The following ARHGEF9 variants were observed in gnomAD, a reference collection of about 807,000 sequenced individuals.
ARHGEF9 encodes the protein rho guanine nucleotide exchange factor 9.
Under a neutral mutation model 41.3 loss-of-function variants are expected in ARHGEF9, and 2 were observed. That is an observed-to-expected ratio of 0.05 (90% CI 0.02 to 0.15). ARHGEF9 has a LOEUF of 0.15. Ranked by LOEUF, ARHGEF9 falls within the 10% of genes least tolerant of loss-of-function variation. The probability of loss-of-function intolerance (pLI) is 1.00; values close to 1 mark genes in which losing one functional copy is unlikely to be tolerated. For synonymous variants in ARHGEF9, 160 were observed against 154.4 expected, an observed-to-expected ratio of 1.04 and a Z score of -0.27; for missense variants, 225 against 424.7, an observed-to-expected ratio of 0.53 and a Z score of 4.13.
chrX:63,781,059 G>C (rs2056372133), intron 1 of ARHGEF9, among the ~76,000 whole-genome samples: 1 of 112,154 alleles, frequency 8.9e-6, no homozygotes, highest in Admixed American at 9.5e-5. Flanking sequence ...ATCTAAAACA[G>C]TGAAACAATG....
intron 5 of ARHGEF9, among the ~76,000 whole-genome samples, chrX:63,677,878 A>T (rs782145913): frequency 2.7e-5 from 3 of 112,080 alleles, no homozygotes; most frequent in African/African-American, 9.7e-5. Context: ...AACTTTTAAG[A>T]TGAATTATGC....
At chrX:63,745,296 A>T (rs782425630) in intron 1 of ARHGEF9, among the ~76,000 whole-genome samples, 3 of 111,232 alleles carry the variant, frequency 2.7e-5, no homozygotes, top group African/African-American at 9.8e-5. Context: ...ATGGCCACTC[A>T]CAGGGCTGCA....
intron 8 of ARHGEF9, among the ~76,000 whole-genome samples, chrX:63,647,468 T>C (rs1556317849): frequency 8.9e-6 from 1 of 112,003 alleles, no homozygotes; most frequent in Non-Finnish European, 1.9e-5. Context: ...CAAAGGCCTT[T>C]TCTGCATCTA....
At chrX:63,759,429 C>A (rs1349261502) in intron 1 of ARHGEF9, among the ~76,000 whole-genome samples, 1 of 111,346 alleles carries the variant, frequency 9.0e-6, no homozygotes, top group African/African-American at 3.3e-5. Context: ...ATTGGTTATC[C>A]GGTCTCAGCT....
intron 1 of ARHGEF9, among the ~76,000 whole-genome samples, chrX:63,744,252 C>T (rs1556430590): frequency 1.8e-5 from 2 of 112,553 alleles, no homozygotes; most frequent in African/African-American, 3.2e-5. Flanking sequence ...ACTTTGCTTT[C>T]CATCACACCA....
intron 7 of ARHGEF9, chrX:63,657,896 C>T (rs1403111311): frequency 8.9e-6 from 1 of 112,020 alleles, no homozygotes; most frequent in Non-Finnish European, 1.9e-5. Flanking sequence ...TAATATAATA[C>T]ATACAAACCT....
chrX:63,743,082 A>T (rs2055054606), intron 1 of ARHGEF9, among the ~76,000 whole-genome samples: 1 of 111,944 alleles, frequency 8.9e-6, no homozygotes, highest in African/African-American at 3.3e-5. Context: ...CTAGAAATAC[A>T]AAAATTAGCT....
intron 7 of ARHGEF9, among the ~76,000 whole-genome samples, chrX:63,664,012 GA>G (rs2049372392): frequency 1.8e-5 from 2 of 111,939 alleles, no homozygotes. Context: ...TGGTTCTTGT[GA>G]AAACAAGAAA....
chrX:63,635,278 T>C lies in ARHGEF9; in HGVS notation c.*2750A>G, dbSNP rs2047259550. 8.7e-6 allele frequency: 4 copies of C among 458,806 alleles called. No individual in the cohort carries two copies. The highest frequency in any genetic ancestry group is 1.6e-5 in the Non-Finnish European group (4 of 248,693). The allele number at this position is 458,806 out of a possible 1,213,427, so 37.8% of individuals were successfully genotyped here. On this transcript the variant is annotated 3_prime_UTR_variant, in exon 10 of 10. Transcript: ENST00000671741. ...TATAGATCCATTAGAAATATACACATAGAGAGGGGGGGAAAAAGAGAGAAT... is the reference window on the plus strand; with the variant it reads ...TATAGATCCATTAGAAATATACACACAGAGAGGGGGGGAAAAAGAGAGAAT...
chrX:63,700,059 G>T (rs1390233031), intron 3 of ARHGEF9, among the ~76,000 whole-genome samples: 8 of 111,806 alleles, frequency 7.2e-5, no homozygotes, highest in African/African-American at 2.3e-4. Context: ...GTAAAGAAAA[G>T]AAAATGCAGC....
intron 4 of ARHGEF9, 68 bp downstream of exon 4, chrX:63,697,057 G>A: frequency 9.0e-7 from 1 of 1,113,600 alleles, no homozygotes; most frequent in Non-Finnish European, 1.2e-6. Flanking sequence ...GAACCAGACA[G>A]CTCAAACGCT....
chrX:63,693,285 AGAT>A (rs1157825370), intron 4 of ARHGEF9, among the ~76,000 whole-genome samples: 1 of 112,004 alleles, frequency 8.9e-6, no homozygotes, highest in Non-Finnish European at 1.9e-5. Context: ...TAAATGTTTG[AGAT>A]GATGGCTATC....
intron 1 of ARHGEF9, among the ~76,000 whole-genome samples, chrX:63,750,091 G>A (rs1278951654): frequency 1.8e-5 from 2 of 112,290 alleles, no homozygotes; most frequent in African/African-American, 3.2e-5. Context: ...AGATCCAGAT[G>A]CCTTGTAGGA....
chrX:63,784,912 A>G (rs1482251129), intron 1 of ARHGEF9, among the ~76,000 whole-genome samples: 1 of 110,385 alleles, frequency 9.1e-6, no homozygotes, highest in Non-Finnish European at 1.9e-5. Flanking sequence ...GTGGAGGGGG[A>G]TGGTAGGGGG....
chrX:63,743,690 C>A (rs1556429622), intron 1 of ARHGEF9, among the ~76,000 whole-genome samples: 1 of 111,886 alleles, frequency 8.9e-6, no homozygotes, highest in African/African-American at 3.3e-5. Flanking sequence ...GATCTAGGGG[C>A]CAAGAATTGT....
intron 1 of ARHGEF9, among the ~76,000 whole-genome samples, chrX:63,752,816 C>T (rs2055731861): frequency 8.9e-6 from 1 of 112,128 alleles, no homozygotes; most frequent in African/African-American, 3.3e-5. Context: ...TCCAAAGAGA[C>T]TGAACAACCG....
At position 63,636,449 on chromosome X, in the gene ARHGEF9, G is replaced by C. The variant is rs1417631388; in HGVS notation, c.*1579C>G. On this transcript the variant is annotated 3_prime_UTR_variant, in exon 10 of 10. Coordinates refer to ENST00000671741, the MANE Select transcript of ARHGEF9 (RefSeq NM_001353921.2). ...TTCCCAAGCAAAAAGCTGGCCAAAA[G>C]CGAGCCTGAGGGTAGCATCCCTGCC... 8.6e-6 allele frequency: 1 copy of C among 116,333 alleles called. No homozygotes were observed. The allele number at this position is 116,333 out of a possible 1,213,427, so 9.6% of individuals were successfully genotyped here.
At chrX:63,752,994 G>A (rs1556442688) in intron 1 of ARHGEF9, among the ~76,000 whole-genome samples, 1 of 112,484 alleles carries the variant, frequency 8.9e-6, no homozygotes, top group Non-Finnish European at 1.9e-5. Flanking sequence ...GCAATGGAAT[G>A]GGGAAAGCCT....
In ARHGEF9 at chrX:63,636,995, A is replaced by G; in HGVS notation, c.*1033T>C. On this transcript the variant is annotated 3_prime_UTR_variant, in exon 10 of 10. Coordinates refer to ENST00000671741, the MANE Select transcript of ARHGEF9 (RefSeq NM_001353921.2). Reference sequence around the variant, plus strand: ...CACTGCCCTAAACCTATCTGGTACTAGGGGGCAGGTAAATCCCTCTCCTGG... The same window carrying G: ...CACTGCCCTAAACCTATCTGGTACTGGGGGGCAGGTAAATCCCTCTCCTGG... 1 of 297,471 alleles carries G rather than the reference A, an allele frequency of 3.4e-6. No individual in the cohort carries two copies. The highest frequency in any genetic ancestry group is 6.1e-5 in the Admixed American group (1 of 16,486). 24.5% of individuals were successfully genotyped at this position (297,471 alleles called of 1,213,427 possible).
Sources: gnomAD v4.1 joint callset for allele counts (sites outside exome capture counted in the v4.1 genomes callset) on GRCh38, gnomAD v4.1.1 for gene constraint, MANE v1.5 for transcripts, NCBI Gene and HGNC (gene_info 2026-07-23, HGNC 2026-07-21) for gene names.